The following CAST variants were observed in gnomAD, a reference collection of about 807,000 sequenced individuals.
CAST encodes calpastatin.
Under a neutral mutation model 119.6 loss-of-function variants are expected in CAST, and 76 were observed. That is an observed-to-expected ratio of 0.64 (90% CI 0.53 to 0.77). The LOEUF (loss-of-function observed/expected upper bound fraction) is 0.77, where lower values mean the gene tolerates loss of function less well. Among genes scored for constraint, CAST ranks in the 30% least tolerant of loss-of-function variants. CAST has a pLI of 0.00. For missense variants in CAST, 953 were observed against 946.5 expected, an observed-to-expected ratio of 1.01 and a Z score of -0.09; for synonymous variants, 319 against 331.6, an observed-to-expected ratio of 0.96 and a Z score of 0.41.
the CAST span, among the ~76,000 whole-genome samples, chr5:96,119,373 G>T: frequency 7.2e-5 from 11 of 152,014 alleles, no homozygotes; most frequent in Admixed American, 7.2e-4. Flanking sequence ...TTAAAATCTA[G>T]AGGTTTCACA....
the CAST span, chr5:96,398,898 G>A: frequency 1.9e-6 from 3 of 1,613,504 alleles, no homozygotes; most frequent in South Asian, 3.3e-5. Context: ...AAGTAAGTGT[G>A]ACATGAAGGT....
the CAST span, among the ~76,000 whole-genome samples, chr5:96,102,967 T>C: frequency 6.6e-6 from 1 of 152,072 alleles, no homozygotes; most frequent in Non-Finnish European, 1.5e-5. Context: ...AGAAAGAGTA[T>C]TGCTATTAAT....
the CAST span, among the ~76,000 whole-genome samples, chr5:96,097,573 CAT>C: frequency 1.3e-5 from 2 of 152,164 alleles, no homozygotes; most frequent in Non-Finnish European, 2.9e-5. Flanking sequence ...CAAGTGACAA[CAT>C]GTGGTATTTG....
the CAST span, among the ~76,000 whole-genome samples, chr5:96,296,351 A>C: frequency 2.6e-5 from 4 of 152,204 alleles, no homozygotes; most frequent in Admixed American, 2.6e-4. Flanking sequence ...TCCCTTTAAA[A>C]TGTGTTACAA....
the CAST span, among the ~76,000 whole-genome samples, chr5:96,169,864 T>A: frequency 6.6e-6 from 1 of 152,092 alleles, no homozygotes; most frequent in South Asian, 2.1e-4. Flanking sequence ...TTTGACCTAA[T>A]AAGGGAGCTG....
At chr5:96,555,634 T>C (rs1292216558) in intron 1 of CAST, among the ~76,000 whole-genome samples, 1 of 152,166 alleles carries the variant, frequency 6.6e-6, no homozygotes, top group Admixed American at 6.5e-5. Flanking sequence ...ATTGCTAGCA[T>C]AGCAGTCTGA....
the CAST span, among the ~76,000 whole-genome samples, chr5:96,067,147 T>C: frequency 3.9e-5 from 6 of 152,202 alleles, no homozygotes; most frequent in African/African-American, 1.4e-4. Context: ...TGTCAGGTAC[T>C]CAATCCTTTG....
At chr5:96,600,863 T>C (rs1161120301) in intron 1 of CAST, among the ~76,000 whole-genome samples, 1 of 152,230 alleles carries the variant, frequency 6.6e-6, no homozygotes, top group African/African-American at 2.4e-5. Context: ...TATTTTATTC[T>C]AAAGTTTGAA....
chr5:96,650,077 A>C (rs907719378), intron 1 of CAST, among the ~76,000 whole-genome samples: 1 of 152,244 alleles, frequency 6.6e-6, no homozygotes, highest in Non-Finnish European at 1.5e-5. Flanking sequence ...AGGAAGTGGC[A>C]GAACCAGCCC....
the CAST span, among the ~76,000 whole-genome samples, chr5:96,273,396 A>G: frequency 6.6e-6 from 1 of 152,200 alleles, no homozygotes; most frequent in Non-Finnish European, 1.5e-5. Context: ...AAGAATATCT[A>G]GAGAATAGCA....
chr5:96,188,734 A>C, the CAST span, among the ~76,000 whole-genome samples: 2 of 152,110 alleles, frequency 1.3e-5, no homozygotes, highest in Non-Finnish European at 2.9e-5. Context: ...AAGCCAATGA[A>C]ATTTGTTTTT....
the CAST span, among the ~76,000 whole-genome samples, chr5:96,212,273 A>G: frequency 6.6e-6 from 1 of 152,032 alleles, no homozygotes; most frequent in Admixed American, 6.6e-5. Context: ...AATGCTGTAA[A>G]TTTCCCTCTA....
chr5:96,584,554 T>A (rs1485227486), intron 1 of CAST: 1 of 152,246 alleles, frequency 6.6e-6, no homozygotes, highest in East Asian at 1.9e-4. Flanking sequence ...TCACTCCAGT[T>A]ATTTTAACAG....
the CAST span, among the ~76,000 whole-genome samples, chr5:96,303,482 T>TTGG: frequency 6.6e-6 from 1 of 152,180 alleles, no homozygotes; most frequent in African/African-American, 2.4e-5. Context: ...ATAGTATACT[T>TTGG]TAAGTTCTGG....
At chr5:96,307,686 G>A in the CAST span, among the ~76,000 whole-genome samples, 1 of 152,090 alleles carries the variant, frequency 6.6e-6, no homozygotes, top group Non-Finnish European at 1.5e-5. Context: ...GTCCATAAAG[G>A]ATTTTATTTC....
the CAST span, among the ~76,000 whole-genome samples, chr5:96,458,190 G>A: frequency 1.3e-5 from 2 of 152,158 alleles, no homozygotes; most frequent in South Asian, 4.1e-4. Context: ...ATAATATTTT[G>A]TAAGACAGAA....
the CAST span, among the ~76,000 whole-genome samples, chr5:96,223,489 G>C: frequency 6.6e-6 from 1 of 152,144 alleles, no homozygotes; most frequent in Admixed American, 6.6e-5. Flanking sequence ...ATGAGCAAAG[G>C]GAGATTTGAA....
chr5:96,144,567 A>C, the CAST span, among the ~76,000 whole-genome samples: 1 of 152,044 alleles, frequency 6.6e-6, no homozygotes, highest in African/African-American at 2.4e-5. Flanking sequence ...TTTATATTTG[A>C]AATTCTTCTT....
chr5:95,981,650 C>T, the CAST span, among the ~76,000 whole-genome samples: 16 of 152,188 alleles, frequency 1.1e-4, no homozygotes, highest in African/African-American at 2.9e-4. Context: ...CCGAGGCGGG[C>T]GGATCACGTG....
Sources: gnomAD v4.1 joint callset for allele counts (sites outside exome capture counted in the v4.1 genomes callset) on GRCh38, gnomAD v4.1.1 for gene constraint, MANE v1.5 for transcripts, NCBI Gene and HGNC (gene_info 2026-07-23, HGNC 2026-07-21) for gene names.